MDGA2: variants seen among roughly 807,000 people sequenced by gnomAD.
The protein encoded by MDGA2 is MAM domain containing glycosylphosphatidylinositol anchor 2.
In MDGA2, 40 loss-of-function variants were observed where a neutral mutation model predicts 117.8. The observed-to-expected ratio is 0.34, with a 90% CI of 0.26 to 0.44. MDGA2 has a LOEUF of 0.44. MDGA2 is among the 20% of genes least tolerant of loss of function. The pLI, the probability that MDGA2 is intolerant of heterozygous loss-of-function variation, is 1.00. For missense variants in MDGA2, 1,123 were observed against 1,250.6 expected, an observed-to-expected ratio of 0.90 and a Z score of 1.54; for synonymous variants, 452 against 439.0, an observed-to-expected ratio of 1.03 and a Z score of -0.37.
intron 2 of MDGA2, among the ~76,000 whole-genome samples, chr14:47,236,290 C>CAAAAAAAAAA (rs5808383): frequency 1.5e-5 from 1 of 67,252 alleles, no homozygotes; most frequent in African/African-American, 6.0e-5. Flanking sequence ...GACTCCGCCT[C>CAAAAAAAAAA]AAAAAAAAAA....
chr14:47,417,444 T>C (rs549934181), intron 1 of MDGA2, among the ~76,000 whole-genome samples: 2 of 152,304 alleles, frequency 1.3e-5, no homozygotes, highest in East Asian at 1.9e-4. Context: ...CTCATAACAA[T>C]AGCTTTTACC....
chr14:47,061,281 A>C lies in MDGA2; in HGVS notation c.1493T>G (p.Ile498Ser). The C allele has an allele frequency of 6.2e-7, 1 of 1,613,354 alleles. No individual in the cohort carries two copies. The highest frequency in any genetic ancestry group is 8.5e-7 in the Non-Finnish European group (1 of 1,179,504). Residue 498 changes from isoleucine to serine, a missense_variant, in exon 7 of 17, where the codon ATC (isoleucine) becomes AGC (serine). Ile to Ser is a moderately radical substitution (Grantham distance 142). Around this residue, in one of 2 missense-constraint regions of MDGA2, gnomAD observed 890 missense variants for 1,050.3 expected, o/e 0.85. Transcript: ENST00000399232. ...ASLKGGGISD[I>S]SIDVNISSST... is the part of the protein sequence containing the mutation. ...GCTGGATATATTAACATCGATACTGATATCAGATATTCCTCCTCCCTTCAG... is the reference window on the plus strand; with the variant it reads ...GCTGGATATATTAACATCGATACTGCTATCAGATATTCCTCCTCCCTTCAG...
chr14:47,089,620 T>C (rs1419342239), intron 6 of MDGA2, among the ~76,000 whole-genome samples: 2 of 152,070 alleles, frequency 1.3e-5, no homozygotes, highest in Admixed American at 1.3e-4. Flanking sequence ...TTTTTTATTA[T>C]ACTTTAAGTT....
intron 1 of MDGA2, among the ~76,000 whole-genome samples, chr14:47,641,229 C>A (rs76988289): frequency 2.0e-5 from 3 of 152,156 alleles, no homozygotes; most frequent in East Asian, 3.9e-4. Flanking sequence ...GGATACAGAT[C>A]ATTAGCTTGA....
chr14:47,642,227 C>T (rs1435347864), intron 1 of MDGA2, among the ~76,000 whole-genome samples: 1 of 152,032 alleles, frequency 6.6e-6, no homozygotes, highest in East Asian at 1.9e-4. Flanking sequence ...GCTCCCTCAC[C>T]AGTAAAATGG....
intron 9 of MDGA2, among the ~76,000 whole-genome samples, chr14:46,922,270 A>AC (rs1214425302): frequency 6.6e-6 from 1 of 152,152 alleles, no homozygotes; most frequent in Non-Finnish European, 1.5e-5. Flanking sequence ...GGAATGGCCT[A>AC]CCTCAGTAGA....
chr14:46,902,480 T>C (rs763842068), intron 10 of MDGA2, among the ~76,000 whole-genome samples: 4 of 152,154 alleles, frequency 2.6e-5, no homozygotes, highest in Admixed American at 6.6e-5. Flanking sequence ...TTTGAATACA[T>C]AGAAATTACA....
intron 1 of MDGA2, among the ~76,000 whole-genome samples, chr14:47,434,116 A>G (rs934811837): frequency 6.6e-6 from 1 of 152,140 alleles, no homozygotes; most frequent in African/African-American, 2.4e-5. Flanking sequence ...ATACACATTA[A>G]GATTCTCTAT....
chr14:47,582,029 T>A (rs531713842), intron 1 of MDGA2, among the ~76,000 whole-genome samples: 1 of 152,044 alleles, frequency 6.6e-6, no homozygotes, highest in South Asian at 2.1e-4. Flanking sequence ...CATAATAATA[T>A]TATCTATCTC....
At chr14:47,268,889 T>G (rs990786389) in intron 2 of MDGA2, among the ~76,000 whole-genome samples, 3 of 152,166 alleles carry the variant, frequency 2.0e-5, no homozygotes, top group Non-Finnish European at 1.5e-5. Context: ...TGCAATAGAA[T>G]AATAGCAAAA....
At chr14:47,297,439 G>C (rs1318516326) in intron 2 of MDGA2, among the ~76,000 whole-genome samples, 1 of 144,082 alleles carries the variant, frequency 6.9e-6, no homozygotes, top group Non-Finnish European at 1.5e-5. Flanking sequence ...GGAGGGGAGT[G>C]AAGGGAAGGG....
intron 1 of MDGA2, among the ~76,000 whole-genome samples, chr14:47,518,258 C>T (rs1894795583): frequency 6.6e-6 from 1 of 152,148 alleles, no homozygotes; most frequent in Admixed American, 6.5e-5. Context: ...GTAGTGAGTT[C>T]ACCAGGCTTC....
At chr14:46,997,101 A>C (rs1174580518) in intron 8 of MDGA2, 1 of 178,244 alleles carries the variant, frequency 5.6e-6, no homozygotes, top group South Asian at 1.2e-4. Context: ...GCCTCAATAA[A>C]GGAAGCTGTG....
rs563306943 is a variant in MDGA2 at position 47,391,448 on chromosome 14, T to C, written c.281-89898A>G. The stretch of plus-strand genomic sequence containing the variant: ...ATCCATTCAGAGTTATTTCCGAGGT[T>C]TGAGGGAGTGAAAGTCAGACACAAT... On this transcript the variant is annotated intron_variant, in intron 1 of 16. Transcript: ENST00000399232. Among the ~76,000 whole-genome samples the C allele has an allele frequency of 1.4e-4, 21 of 152,264 alleles. No individual in the cohort carries two copies. In the South Asian group the frequency reaches 3.9e-3, roughly 29 times the overall value.
intron 9 of MDGA2, among the ~76,000 whole-genome samples, chr14:46,934,485 C>G (rs1210572159): frequency 6.6e-6 from 1 of 152,094 alleles, no homozygotes; most frequent in East Asian, 1.9e-4. Context: ...AACTGCAAAT[C>G]TTAAAAGTTA....
intron 2 of MDGA2, among the ~76,000 whole-genome samples, chr14:47,242,522 G>T (rs1370677473): frequency 6.6e-6 from 1 of 151,820 alleles, no homozygotes; most frequent in African/African-American, 2.4e-5. Context: ...GGGCTTGGTG[G>T]GCCCCGCACT....
chr14:47,473,306 G>A (rs575214807), intron 1 of MDGA2, among the ~76,000 whole-genome samples: 100 of 152,226 alleles, frequency 6.6e-4, no homozygotes, highest in African/African-American at 2.0e-3. Context: ...GAGTATGACA[G>A]GTTCCAAAAA....
chr14:47,559,276 G>A (rs1895748270), intron 1 of MDGA2, among the ~76,000 whole-genome samples: 1 of 152,082 alleles, frequency 6.6e-6, no homozygotes, highest in African/African-American at 2.4e-5. Context: ...GTAGTCTGTT[G>A]TTCCCTTCTT....
chr14:47,265,393 T>C (rs1318437422), intron 2 of MDGA2, among the ~76,000 whole-genome samples: 2 of 152,158 alleles, frequency 1.3e-5, no homozygotes, highest in Non-Finnish European at 2.9e-5. Context: ...CATCACTCCC[T>C]ATGTTATAAA....
Sources: allele counts gnomAD v4.1 joint callset (sites outside exome capture counted in the v4.1 genomes callset), GRCh38; gene constraint gnomAD v4.1.1; regional missense constraint gnomAD v4.1.1; transcripts MANE v1.5; gene names NCBI Gene and HGNC (gene_info 2026-07-23, HGNC 2026-07-21).